HAGHL: variants seen among roughly 807,000 people sequenced by gnomAD.
HAGHL encodes the protein hydroxyacylglutathione hydrolase like.
HAGHL carries 27 observed loss-of-function variants against 29.2 expected under a neutral mutation model. The ratio of observed to expected loss-of-function variants is 0.92; its 90% CI spans 0.68 to 1.27. The LOEUF (loss-of-function observed/expected upper bound fraction) is 1.27, where lower values mean the gene tolerates loss of function less well. HAGHL is among the 50% of genes most tolerant of loss of function. The pLI is 0.00. For missense variants in HAGHL, 529 were observed against 405.5 expected, an observed-to-expected ratio of 1.30 and a Z score of -2.62; for synonymous variants, 223 against 185.7, an observed-to-expected ratio of 1.20 and a Z score of -1.63.
chr16:727,724 C>A, intron 1 of HAGHL, 110 bp downstream of exon 1: 4 of 770,012 alleles, frequency 5.2e-6, no homozygotes, highest in Non-Finnish European at 4.2e-6. Context: ...AAGTCATTGG[C>A]GGCTGGGGTT....
intron 5 of HAGHL, 44 bp from the exon 6 acceptor site, chr16:728,750 C>T (rs777379152): frequency 2.0e-5 from 32 of 1,583,710 alleles, no homozygotes; most frequent in Non-Finnish European, 2.6e-5. Context: ...GCACTTTCCC[C>T]GCTTCCTGGC....
Position 728,108 on chromosome 16 carries a change from G to C in HAGHL, c.171-8G>C. On this transcript the variant is annotated splice_region_variant and splice_polypyrimidine_tract_variant and intron_variant, in intron 2 of 7. Transcript: ENST00000389703. ...GACCTAACCCGGCCCCCGCCCGCCC[G>C]CCCGCAGGGACCACGCGCGGGGAAA... 3 of 1,459,602 alleles carry C rather than the reference G, an allele frequency of 2.1e-6. No homozygotes were observed. Among genetic ancestry groups the C allele is most frequent in the Non-Finnish European group, 2.7e-6 (3 of 1,111,764 alleles). 90.4% of individuals were successfully genotyped at this position (1,459,602 alleles called of 1,614,324 possible). A position where few individuals can be genotyped will look rare whatever the true frequency, so the allele number is the denominator to read the frequency against.
intron 1 of HAGHL, 67 bp from the exon 2 acceptor site, chr16:727,898 G>T: frequency 6.7e-7 from 1 of 1,491,732 alleles, no homozygotes; most frequent in Non-Finnish European, 9.2e-7. Flanking sequence ...TGAGCGCGGC[G>T]GATCCCGATA....
intron 1 of HAGHL, 93 bp downstream of exon 1, chr16:727,707 T>C: frequency 6.0e-6 from 5 of 834,640 alleles, no homozygotes; most frequent in Non-Finnish European, 9.5e-6. Flanking sequence ...CGTGCTCTGC[T>C]CTCCGGAAGT....
intron 7 of HAGHL, 59 bp from the exon 8 acceptor site, chr16:729,229 C>A: frequency 6.5e-7 from 1 of 1,542,858 alleles, no homozygotes; most frequent in African/African-American, 1.4e-5. Flanking sequence ...GCCCACCCCT[C>A]GGCGCCATGC....
intron 4 of HAGHL, 30 bp from the exon 5 acceptor site, chr16:728,474 C>T: frequency 6.6e-7 from 1 of 1,514,996 alleles, no homozygotes; most frequent in Non-Finnish European, 8.9e-7. Context: ...GGCCCCGCCC[C>T]ATCTGCTCTG....
At position 727,121 on chromosome 16, in the gene HAGHL, T is replaced by C. The variant is rs1406812; in HGVS notation, c.-389T>C. 98,907 of 163,914 alleles carry C rather than the reference T, an allele frequency of 0.6. 31,586 individuals carry two copies. The highest frequency in any genetic ancestry group is 0.83 in the East Asian group (4,512 of 5,442). The allele number at this position is 163,914 out of a possible 1,614,324, so 10.2% of individuals were successfully genotyped here. A position where few individuals can be genotyped will look rare whatever the true frequency, so the allele number is the denominator to read the frequency against. On this transcript the variant is annotated 5_prime_UTR_variant, in exon 1 of 8. Coordinates refer to ENST00000389703, the MANE Select transcript of HAGHL (RefSeq NM_032304.4). ...CGCCTCCGTCAGTCTGTCCTTCGGG[T>C]CCTCAGCACAGCCGTGCCGGTGAGG...
intron 1 of HAGHL, 44 bp downstream of exon 1, chr16:727,658 G>A: frequency 7.5e-7 from 1 of 1,340,010 alleles, no homozygotes; most frequent in Non-Finnish European, 1.1e-6. Context: ...CGTGTCCCCC[G>A]AGAGCCTCCC....
At chr16:728,967 C>G (rs780417374) in intron 6 of HAGHL, 42 bp from the exon 7 acceptor site, 2 of 1,570,152 alleles carry the variant, frequency 1.3e-6, no homozygotes, top group South Asian at 1.2e-5. Context: ...GGGGGGCTCT[C>G]AGACAAGGCC....
chr16:729,535 T>G lies in HAGHL; in HGVS notation c.*79T>G, dbSNP rs1004883206. 6.5e-6 allele frequency: 10 copies of G among 1,533,998 alleles called. No homozygotes were observed. The Admixed American group carries it at 1.8e-4, about 27-fold the overall frequency. On this transcript the variant is annotated 3_prime_UTR_variant, in exon 8 of 8. Transcript: ENST00000389703. The stretch of plus-strand genomic sequence containing the variant: ...CAGCTGGACCCACATGAGGGCCACC[T>G]CTGGAACCTTCTTCGAGGCCCTGGC...
chr16:727,521 G>T lies in HAGHL; in HGVS notation c.12G>T (p.Lys4Asn). The stretch of plus-strand genomic sequence containing the variant: ...CGAGCTCCGTGACCATGAAGGTCAA[G>T]GTCATCCCCGTGCTCGAGGACAACT... The part of the protein sequence containing the change: MKV[K>N]VIPVLEDNYM... Residue 4 changes from lysine to asparagine, a missense_variant, in exon 1 of 8, where the codon AAG (lysine) becomes AAT (asparagine). Transcript: ENST00000389703. The T allele has an allele frequency of 6.2e-7, 1 of 1,609,066 alleles. No individual in the cohort carries two copies. Among genetic ancestry groups the T allele is most frequent in the Non-Finnish European group, 8.5e-7 (1 of 1,177,570 alleles).
In HAGHL at chr16:727,293, C is replaced by T; in HGVS notation, c.-217C>T. 2.0e-6 allele frequency: 1 copy of T among 489,938 alleles called. No homozygotes were observed. The highest frequency in any genetic ancestry group is 2.7e-5 in the South Asian group (1 of 37,578). 30.3% of individuals were successfully genotyped at this position (489,938 alleles called of 1,614,324 possible). A position where few individuals can be genotyped will look rare whatever the true frequency, so the allele number is the denominator to read the frequency against. Reference sequence around the variant, plus strand: ...GGAGCCGGGGCTGGTTGGGGACCGGCCGGGTTCCGCTCCTGCTGGAGCCCG... The same window carrying T: ...GGAGCCGGGGCTGGTTGGGGACCGGTCGGGTTCCGCTCCTGCTGGAGCCCG... On this transcript the variant is annotated 5_prime_UTR_variant, in exon 1 of 8. Transcript: ENST00000389703.
At chr16:727,668 C>T (rs2041074346) in intron 1 of HAGHL, 54 bp downstream of exon 1, 1 of 1,224,180 alleles carries the variant, frequency 8.2e-7, no homozygotes, top group Non-Finnish European at 1.2e-6. Context: ...GAGAGCCTCC[C>T]CGACCCCCCT....
chr16:728,933 G>A (rs894106900), intron 6 of HAGHL, 38 bp downstream of exon 6: 4 of 912,878 alleles, frequency 4.4e-6, no homozygotes, highest in African/African-American at 1.7e-5. Flanking sequence ...AGGGTGGGGG[G>A]GGAGGGAACA....
chr16:727,647 C>T (rs1233564755), intron 1 of HAGHL, 33 bp downstream of exon 1: 23 of 1,441,634 alleles, frequency 1.6e-5, no homozygotes, highest in Non-Finnish European at 2.2e-5. Context: ...AGGGACCCGG[C>T]CGTGTCCCCC....
In HAGHL at chr16:728,246, T is replaced by C; in HGVS notation, c.288+13T>C. 1 of 1,495,688 alleles carries C rather than the reference T, an allele frequency of 6.7e-7. No homozygotes were observed. The highest frequency in any genetic ancestry group is 8.8e-7 in the Non-Finnish European group (1 of 1,130,226). 92.7% of individuals were successfully genotyped at this position (1,495,688 alleles called of 1,614,324 possible). ...CGAGGAGCTGCGGGTGAGCGCGCGC[T>C]CCCGGGAGGGGCGGGGAGGGCGCCC... is the stretch of plus-strand genomic sequence containing the variant. On this transcript the variant is annotated intron_variant, in intron 3 of 7. Coordinates refer to ENST00000389703, the MANE Select transcript of HAGHL (RefSeq NM_032304.4).
intron 4 of HAGHL, 38 bp from the exon 5 acceptor site, chr16:728,466 C>A: frequency 6.7e-7 from 1 of 1,502,438 alleles, no homozygotes; most frequent in Non-Finnish European, 8.9e-7. Flanking sequence ...CTCCCGCCGG[C>A]CCCGCCCCAT....
chr16:728,910 C>T lies in HAGHL; in HGVS notation c.600+15C>T. The T allele has an allele frequency of 1.3e-6, 2 of 1,565,830 alleles. No individual in the cohort carries two copies. The highest frequency in any genetic ancestry group is 1.7e-6 in the Non-Finnish European group (2 of 1,155,256). On this transcript the variant is annotated intron_variant, in intron 6 of 7. Coordinates refer to ENST00000389703, the MANE Select transcript of HAGHL (RefSeq NM_032304.4). ...CCTGGGCTAAGGCACGGCCCCTTTC[C>T]CGCCGCGGCAAGAGGGTGGGGGGGG...
In HAGHL at chr16:728,140, G is replaced by C; in HGVS notation, c.195G>C (p.Glu65Asp). 1 of 1,474,736 alleles carries C rather than the reference G, an allele frequency of 6.8e-7. No individual in the cohort carries two copies. The highest frequency in any genetic ancestry group is 8.9e-7 in the Non-Finnish European group (1 of 1,119,644). 91.4% of individuals were successfully genotyped at this position (1,474,736 alleles called of 1,614,324 possible). Residue 65 changes from glutamate (E) to aspartate (D), a missense_variant, in exon 3 of 8, where the codon GAG becomes GAC. Coordinates refer to ENST00000389703, the MANE Select transcript of HAGHL (RefSeq NM_032304.4). ...HHWDHARGNPELARLRPGLAV... is the reference protein window; with the variant it reads ...HHWDHARGNPDLARLRPGLAV... ...GGGACCACGCGCGGGGAAACCCGGAGCTGGCGCGGCTTCGTCCCGGGCTGG... is the reference window on the plus strand; with the variant it reads ...GGGACCACGCGCGGGGAAACCCGGACCTGGCGCGGCTTCGTCCCGGGCTGG...
Sources: gnomAD v4.1 joint callset for allele counts on GRCh38, gnomAD v4.1.1 for gene constraint, MANE v1.5 for transcripts, NCBI Gene and HGNC (gene_info 2026-07-23, HGNC 2026-07-21) for gene names.